Variants in TF observed in about 807,000 individuals in gnomAD.
TF encodes the protein transferrin.
TF carries 55 observed loss-of-function variants against 82.4 expected under a neutral mutation model. That is an observed-to-expected ratio of 0.67 (90% CI 0.54 to 0.84). The LOEUF is 0.84. TF is among the 40% of genes least tolerant of loss of function. TF has a pLI of 0.00. For synonymous variants in TF, 332 were observed against 332.6 expected, an observed-to-expected ratio of 1.00 and a Z score of 0.02; for missense variants, 737 against 868.4, an observed-to-expected ratio of 0.85 and a Z score of 1.90.
the TF span, among the ~76,000 whole-genome samples, chr3:133,718,613 C>T: frequency 6.6e-6 from 1 of 152,150 alleles, no homozygotes; most frequent in Non-Finnish European, 1.5e-5. Flanking sequence ...CATGCTTGAG[C>T]ATGGATCAGA....
At chr3:133,737,495 CA>C in the TF span, among the ~76,000 whole-genome samples, 4 of 149,400 alleles carry the variant, frequency 2.7e-5, no homozygotes, top group South Asian at 2.1e-4. Context: ...TAGAGACACA[CA>C]AAAAAAAACC....
the TF span, among the ~76,000 whole-genome samples, chr3:133,735,782 G>A: frequency 2.6e-5 from 4 of 152,106 alleles, no homozygotes; most frequent in African/African-American, 4.8e-5. Flanking sequence ...AACAAATAAA[G>A]CCTCCAAGAA....
At chr3:133,739,442 G>A in the TF span, among the ~76,000 whole-genome samples, 12 of 152,008 alleles carry the variant, frequency 7.9e-5, no homozygotes, top group South Asian at 2.1e-4. Flanking sequence ...AAGCAATGGC[G>A]ACAAAAGCCA....
At chr3:133,770,622 T>G in intron 14 of TF, 50 bp downstream of exon 14, 29 of 1,575,890 alleles carry the variant, frequency 1.8e-5, no homozygotes, top group Non-Finnish European at 2.5e-5. Flanking sequence ...TCCTGGTCAC[T>G]GGTATTCACT....
chr3:133,754,429 G>A lies in TF; in HGVS notation c.326-66G>A, dbSNP rs549557016. 1.6e-5 allele frequency: 25 copies of A among 1,533,902 alleles called. 1 individual carries two copies. The South Asian group carries it at 1.7e-4, about 10-fold the overall frequency. On this transcript the variant is annotated intron_variant, in intron 3 of 16. Coordinates refer to ENST00000402696, the MANE Select transcript of TF (RefSeq NM_001063.4). ...CGCTCCCCTCCCTCCTCAAGAGTCC[G>A]GTGGTGATGAGCCATGTTTCCCTGC...
At chr3:133,663,541 T>C in the TF span, among the ~76,000 whole-genome samples, 9 of 152,024 alleles carry the variant, frequency 5.9e-5, no homozygotes, top group African/African-American at 2.4e-5. Context: ...GAATCTGTAA[T>C]AACAATTAAT....
Position 133,780,197 on chromosome 3 carries a change from G to T in TF, c.*1577G>T, listed in dbSNP as rs776269258. ...TATGGACCGTTTTACACACAGCCCT[G>T]CTTTCCTCTGAGCCTATCAACGATC... On this transcript the variant is annotated 3_prime_UTR_variant, in exon 17 of 17. Coordinates refer to ENST00000402696, the MANE Select transcript of TF (RefSeq NM_001063.4). 7.9e-5 allele frequency: 12 copies of T among 152,170 alleles called. No individual in the cohort carries two copies. The highest frequency in any genetic ancestry group is 1.2e-4 in the African/African-American group (5 of 41,436). 9.4% of individuals were successfully genotyped at this position (152,170 alleles called of 1,614,324 possible).
At position 133,769,785 on chromosome 3, in the gene TF, A is replaced by G. The variant is rs368564658; in HGVS notation, c.1623-723A>G. On this transcript the variant is annotated intron_variant, in intron 13 of 16. Transcript: ENST00000402696. ...TAGATTTTGAAGTACACACTAGTTC[A>G]TCATCTGTGTGGTATGCCCTTTCAA... Among the ~76,000 whole-genome samples the G allele has an allele frequency of 4.6e-5, 7 of 151,882 alleles. No individual in the cohort carries two copies. The South Asian group carries it at 1.5e-3, about 32-fold the overall frequency.
At chr3:133,706,884 C>T in the TF span, among the ~76,000 whole-genome samples, 3,285 of 152,196 alleles carry the variant, frequency 0.022, 37 homozygotes, top group East Asian at 0.034. Flanking sequence ...GACCCCAGCC[C>T]GGGGATATGC....
chr3:133,755,276 G>A, intron 4 of TF, 87 bp from the exon 5 acceptor site: 2 of 1,595,406 alleles, frequency 1.3e-6, no homozygotes, highest in Non-Finnish European at 1.7e-6. Context: ...AGTCCCCTCT[G>A]TTCCCTGATG....
chr3:133,794,859 A>G lies in TF; in HGVS notation c.*16239A>G, dbSNP rs1444091956. ...ATATTTTTTCCTTGCTTTTGCCTCT[A>G]TGAAGAATAGAAGTGGAAAAAGGAT... On this transcript the variant is annotated 3_prime_UTR_variant, in exon 17 of 17. Transcript: ENST00000402696. 6.6e-6 allele frequency: 1 copy of G among 152,146 alleles called. No homozygotes were observed. The highest frequency in any genetic ancestry group is 1.5e-5 in the Non-Finnish European group (1 of 68,038). 9.4% of individuals were successfully genotyped at this position (152,146 alleles called of 1,614,324 possible).
chr3:133,711,927 C>G, the TF span, among the ~76,000 whole-genome samples: 1 of 152,040 alleles, frequency 6.6e-6, no homozygotes, highest in Non-Finnish European at 1.5e-5. Flanking sequence ...GCCTCCACCC[C>G]ACCCCAACAC....
At position 133,757,882 on chromosome 3, in the gene TF, G is replaced by C; in HGVS notation, c.984G>C (p.Met328Ile). ...AHGFLKVPPR[M>I]DAKMYLGYEY... ...GGTTTTTAAAAGTCCCCCCCAGGAT[G>C]GATGCCAAGATGTACCTGGGCTATG... Residue 328 changes from methionine to isoleucine, a missense_variant, in exon 8 of 17, where the codon ATG becomes ATC. Physicochemically the swap from Met to Ile is conservative, Grantham distance 10. Coordinates refer to ENST00000402696, the MANE Select transcript of TF (RefSeq NM_001063.4). 6.2e-7 allele frequency: 1 copy of C among 1,614,232 alleles called. No individual in the cohort carries two copies. Among genetic ancestry groups the C allele is most frequent in the Non-Finnish European group, 8.5e-7 (1 of 1,180,050 alleles).
chr3:133,775,361 A>T lies in TF; in HGVS notation c.1688-72A>T, dbSNP rs1576368118. ...GGCCCAGGTTCTCTACACACCACTG[A>T]GTCAGTTCCATCTCCCCAGCGGGGC... On this transcript the variant is annotated intron_variant, in intron 14 of 16. Transcript: ENST00000402696. The T allele has an allele frequency of 3.3e-6, 5 of 1,507,966 alleles. No individual in the cohort carries two copies. In the East Asian group the frequency reaches 1.1e-4, roughly 34 times the overall value. 93.4% of individuals were successfully genotyped at this position (1,507,966 alleles called of 1,614,324 possible). A position where few individuals can be genotyped will look rare whatever the true frequency, so the allele number is the denominator to read the frequency against.
the TF span, chr3:133,710,195 T>C: frequency 6.6e-6 from 1 of 152,522 alleles, no homozygotes; most frequent in Non-Finnish European, 1.5e-5. Flanking sequence ...CTCTCTTAGA[T>C]GCATTCATCA....
At chr3:133,755,571 A>G (rs550801632) in intron 5 of TF, 76 bp downstream of exon 5, 392 of 1,599,382 alleles carry the variant, frequency 2.5e-4, no homozygotes, top group Non-Finnish European at 3.1e-4. Flanking sequence ...TGCTGGTCCA[A>G]AGCCGAGCCC....
At chr3:133,666,092 G>C in the TF span, among the ~76,000 whole-genome samples, 17,756 of 152,150 alleles carry the variant, frequency 0.12, 1,131 homozygotes, top group Non-Finnish European at 0.14. Context: ...ACTAAAAATA[G>C]GTTTTTTGAG....
At chr3:133,689,272 C>A in the TF span, among the ~76,000 whole-genome samples, 1 of 151,966 alleles carries the variant, frequency 6.6e-6, no homozygotes, top group Admixed American at 6.6e-5. Flanking sequence ...TGCAGTGAGC[C>A]AAGATTGTGC....
chr3:133,764,498 A>C (rs1348169986), intron 10 of TF, among the ~76,000 whole-genome samples: 1 of 152,226 alleles, frequency 6.6e-6, no homozygotes, highest in African/African-American at 2.4e-5. Context: ...AAAGTTCTGC[A>C]CTGGGAAGTC....
Sources: allele counts gnomAD v4.1 joint callset (sites outside exome capture counted in the v4.1 genomes callset), GRCh38; gene constraint gnomAD v4.1.1; transcripts MANE v1.5; gene names NCBI Gene and HGNC (gene_info 2026-07-23, HGNC 2026-07-21).